The following JAZF1 variants were observed in gnomAD, a reference collection of about 807,000 sequenced individuals.
JAZF1 encodes juxtaposed with another zinc finger protein 1.
JAZF1 carries 8 observed loss-of-function variants against 26.4 expected under a neutral mutation model. The observed-to-expected ratio is 0.30, with a 90% CI of 0.18 to 0.55. The LOEUF (loss-of-function observed/expected upper bound fraction) is 0.55. Ranked by LOEUF, JAZF1 falls within the 20% of genes least tolerant of loss-of-function variation. The pLI is 0.94. For missense variants in JAZF1, 199 were observed against 322.0 expected (o/e 0.62, Z 2.92); for synonymous variants, 126 against 122.3 (o/e 1.03, Z -0.20).
At chr7:27,954,497 T>C (rs555410218) in intron 2 of JAZF1, among the ~76,000 whole-genome samples, 33 of 152,228 alleles carry the variant, frequency 2.2e-4, no homozygotes, top group South Asian at 1.9e-3. Context: ...CCTCCACCCC[T>C]CAAAAAAGAA....
intron 2 of JAZF1, among the ~76,000 whole-genome samples, chr7:27,903,065 T>C (rs185686593): frequency 3.9e-4 from 57 of 147,556 alleles, no homozygotes; most frequent in Non-Finnish European, 8.1e-4. Flanking sequence ...GTACTGGAAA[T>C]CTTAACTCGC....
intron 1 of JAZF1, among the ~76,000 whole-genome samples, chr7:28,049,298 GGTCTTGAA>G (rs1783553108): frequency 6.6e-6 from 1 of 151,766 alleles, no homozygotes; most frequent in African/African-American, 2.4e-5. Flanking sequence ...TGCCCAGGCT[GGTCTTGAA>G]CTCCCAACCT....
chr7:27,875,425 C>T (rs1191365199), intron 3 of JAZF1, among the ~76,000 whole-genome samples: 1 of 151,970 alleles, frequency 6.6e-6, no homozygotes, highest in South Asian at 2.1e-4. Context: ...TGAAGCAAAC[C>T]ATGACATTCC....
intron 2 of JAZF1, among the ~76,000 whole-genome samples, chr7:27,926,595 A>G (rs1000744074): frequency 6.6e-6 from 1 of 152,252 alleles, no homozygotes; most frequent in Non-Finnish European, 1.5e-5. Flanking sequence ...ATTGCCTTCA[A>G]CGTATGAACA....
chr7:28,091,498 AAAGAG>A (rs1784295650), intron 1 of JAZF1, among the ~76,000 whole-genome samples: 3 of 151,650 alleles, frequency 2.0e-5, no homozygotes, highest in Non-Finnish European at 4.4e-5. Context: ...CTTTTTGAGA[AAAGAG>A]AATACAGTTT....
chr7:27,869,698 A>T (rs1463513626), intron 3 of JAZF1, among the ~76,000 whole-genome samples: 1 of 152,168 alleles, frequency 6.6e-6, no homozygotes, highest in Non-Finnish European at 1.5e-5. Context: ...GTGCAGTAGG[A>T]AGTAGGCTTT....
chr7:28,034,358 A>T (rs1241431870), intron 1 of JAZF1, among the ~76,000 whole-genome samples: 1 of 152,050 alleles, frequency 6.6e-6, no homozygotes, highest in Non-Finnish European at 1.5e-5. Context: ...TAAGACAAAC[A>T]ACAGGGAGAA....
intron 1 of JAZF1, among the ~76,000 whole-genome samples, chr7:28,106,893 C>T (rs559369452): frequency 1.6e-4 from 24 of 152,308 alleles, no homozygotes; most frequent in South Asian, 6.2e-4. Context: ...TCCATGCAGG[C>T]CCCATGGTCT....
At chr7:27,876,527 G>C (rs1248667488) in intron 3 of JAZF1, among the ~76,000 whole-genome samples, 1 of 152,150 alleles carries the variant, frequency 6.6e-6, no homozygotes, top group Non-Finnish European at 1.5e-5. Context: ...ACTTAAAGCA[G>C]AAAGAGGCCT....
At chr7:27,900,989 T>TC (rs1047331569) in intron 2 of JAZF1, among the ~76,000 whole-genome samples, 20 of 150,212 alleles carry the variant, frequency 1.3e-4, no homozygotes, top group South Asian at 2.1e-4. Context: ...TTTTTTTTTT[T>TC]CTAAGAGACG....
intron 2 of JAZF1, among the ~76,000 whole-genome samples, chr7:27,973,055 T>C (rs1053103849): frequency 6.6e-6 from 1 of 151,878 alleles, no homozygotes; most frequent in African/African-American, 2.4e-5. Flanking sequence ...TATATATGCA[T>C]ATCTCCATAC....
At chr7:28,036,408 A>G (rs1783294148) in intron 1 of JAZF1, among the ~76,000 whole-genome samples, 1 of 152,212 alleles carries the variant, frequency 6.6e-6, no homozygotes, top group Non-Finnish European at 1.5e-5. Context: ...TGAAAATATT[A>G]ATAACCTGAA....
intron 1 of JAZF1, among the ~76,000 whole-genome samples, chr7:28,113,896 A>G (rs1784701119): frequency 1.3e-5 from 2 of 152,354 alleles, no homozygotes; most frequent in African/African-American, 4.8e-5. Context: ...AAATAAGTAG[A>G]TTCTGAACAA....
At chr7:28,049,089 C>CTT (rs145177855) in intron 1 of JAZF1, among the ~76,000 whole-genome samples, 1 of 125,970 alleles carries the variant, frequency 7.9e-6, no homozygotes, top group East Asian at 3.3e-4. Flanking sequence ...CTCTCTCTCT[C>CTT]TCTTTCTTTC....
Position 27,923,753 on chromosome 7 carries a change from G to A in JAZF1, c.189-28337C>T, listed in dbSNP as rs576124545. On this transcript the variant is annotated intron_variant, in intron 2 of 4. Transcript: ENST00000283928. ...GGCCAAACGTATTTGCATATCGTCA[G>A]CACAGGGAAGGAAATTAACACCACA... Among the ~76,000 whole-genome samples, 25 of 152,318 alleles carry A rather than the reference G, an allele frequency of 1.6e-4. No individual in the cohort carries two copies. The South Asian group carries it at 3.1e-3, about 19-fold the overall frequency.
intron 2 of JAZF1, among the ~76,000 whole-genome samples, chr7:27,965,044 G>A (rs566905421): frequency 3.4e-4 from 51 of 152,192 alleles, no homozygotes; most frequent in Non-Finnish European, 7.2e-4. Context: ...AGACAGCTGC[G>A]ACAGCTACAG....
chr7:27,847,090 A>G (rs558092644), intron 3 of JAZF1, among the ~76,000 whole-genome samples: 2 of 151,756 alleles, frequency 1.3e-5, no homozygotes, highest in South Asian at 2.1e-4. Flanking sequence ...CTGCCTCCCA[A>G]GTAGCTGGGA....
chr7:28,170,128 AAAT>A lies in JAZF1; in HGVS notation c.115+10332_115+10334del, dbSNP rs1353712601. ...CCACTAGTCAAAAAAAAAATCTTTA[AAAT>A]AAAGTACATGAGCTGAGTACTGGGC... On this transcript the variant is annotated intron_variant, in intron 1 of 4. Coordinates refer to ENST00000283928, the MANE Select transcript of JAZF1 (RefSeq NM_175061.4). Among the ~76,000 whole-genome samples the A allele has an allele frequency of 2.0e-5, 3 of 152,138 alleles. No individual in the cohort carries two copies. The East Asian group carries it at 5.8e-4, about 29-fold the overall frequency.
chr7:27,843,888 G>C (rs975085697), intron 3 of JAZF1: 1 of 152,284 alleles, frequency 6.6e-6, no homozygotes, highest in Admixed American at 6.5e-5. Context: ...AGGCCTTAGA[G>C]TAGCACATGG....
Sources: gnomAD v4.1 joint callset for allele counts (sites outside exome capture counted in the v4.1 genomes callset) on GRCh38, gnomAD v4.1.1 for gene constraint, MANE v1.5 for transcripts, NCBI Gene and HGNC (gene_info 2026-07-23, HGNC 2026-07-21) for gene names.